ABCC4: variants seen among roughly 807,000 people sequenced by gnomAD.
ABCC4 encodes the protein ATP-binding cassette sub-family C member 4.
ABCC4 carries 102 observed loss-of-function variants against 168.5 expected under a neutral mutation model. The observed-to-expected ratio is 0.61, with a 90% CI of 0.52 to 0.71. The LOEUF is 0.71. Ranked by LOEUF, ABCC4 falls within the 30% of genes least tolerant of loss-of-function variation. The pLI is 0.00. For synonymous variants in ABCC4, 617 were observed against 590.7 expected (o/e 1.04, Z -0.65); for missense variants, 1,402 against 1,605.8 (o/e 0.87, Z 2.17).
At chr13:95,293,534 T>C (rs2041453609) in intron 1 of ABCC4, among the ~76,000 whole-genome samples, 1 of 151,390 alleles carries the variant, frequency 6.6e-6, no homozygotes, top group African/African-American at 2.4e-5. Flanking sequence ...TGGCGTGATC[T>C]TGGCTCACTG....
At chr13:95,252,935 T>C (rs2040303580) in intron 1 of ABCC4, among the ~76,000 whole-genome samples, 1 of 152,224 alleles carries the variant, frequency 6.6e-6, no homozygotes, top group African/African-American at 2.4e-5. Flanking sequence ...AGGACTAGAA[T>C]TCTGGTGCCA....
intron 9 of ABCC4, among the ~76,000 whole-genome samples, chr13:95,193,733 A>G (rs1343620584): frequency 6.6e-6 from 1 of 152,204 alleles, no homozygotes; most frequent in Non-Finnish European, 1.5e-5. Flanking sequence ...CCAGGTTGCA[A>G]GTTACGTAAT....
intron 25 of ABCC4, among the ~76,000 whole-genome samples, chr13:95,064,131 T>C (rs1232548676): frequency 6.6e-6 from 1 of 151,956 alleles, no homozygotes; most frequent in Non-Finnish European, 1.5e-5. Context: ...AAAATGTAAA[T>C]GTTTAAAAAG....
intron 21 of ABCC4, among the ~76,000 whole-genome samples, chr13:95,078,987 G>C (rs1027529126): frequency 6.6e-6 from 1 of 152,160 alleles, no homozygotes; most frequent in Non-Finnish European, 1.5e-5. Context: ...CCCAGTTTTG[G>C]AACACCCGGG....
chr13:95,198,575 A>G (rs2139654629), intron 8 of ABCC4, among the ~76,000 whole-genome samples: 1 of 152,344 alleles, frequency 6.6e-6, no homozygotes, highest in South Asian at 2.1e-4. Context: ...CTAGAACCAG[A>G]AATACCATTG....
Position 95,224,203 on chromosome 13 carries a change from C to CA in ABCC4, c.531+10406dup, listed in dbSNP as rs1265372003. On this transcript the variant is annotated intron_variant, in intron 4 of 30. Transcript: ENST00000645237. Reference sequence around the variant, plus strand: ...TATCAAAGAGAAAAAAAAATCAACCCAAAAAAAAAAAAAGAGAAACATTAC... The same window carrying CA: ...TATCAAAGAGAAAAAAAAATCAACCCAAAAAAAAAAAAAAGAGAAACATTAC... Among the ~76,000 whole-genome samples, 1,062 of 119,264 alleles carry CA rather than the reference C, an allele frequency of 8.9e-3. 11 individuals carry two copies. The highest frequency in any genetic ancestry group is 0.025 in the African/African-American group (827 of 32,920). 78.2% of individuals were successfully genotyped at this position (119,264 alleles called of 152,430 possible). A position where few individuals can be genotyped will look rare whatever the true frequency, so the allele number is the denominator to read the frequency against.
Position 95,293,158 on chromosome 13 carries a change from C to A in ABCC4, c.74+8083G>T, listed in dbSNP as rs2041444609. ...GGAAGGTAAACCCCTCCCCAGAGAT[C>A]TCCATCTTGGCCAACATGGCAAAAC... On this transcript the variant is annotated intron_variant, in intron 1 of 30. Transcript: ENST00000645237. 2.0e-5 allele frequency among the ~76,000 whole-genome samples: 3 copies of A among 152,012 alleles called. No homozygotes were observed. In the South Asian group the frequency reaches 6.2e-4, roughly 32 times the overall value.
rs1488584222 is a variant in ABCC4, at chr13:95,206,459, T to C, written c.1161+73A>G. The C allele has an allele frequency of 1.9e-6, 3 of 1,565,696 alleles. No homozygotes were observed. The Admixed American group carries it at 5.2e-5, about 27-fold the overall frequency. On this transcript the variant is annotated intron_variant, in intron 8 of 30. Coordinates refer to ENST00000645237, the MANE Select transcript of ABCC4 (RefSeq NM_005845.5). The stretch of plus-strand genomic sequence containing the variant: ...TAAATGTCATTACACTGGAACATAG[T>C]GATGCTAAATAAAAGGAGACATCAT...
At chr13:95,169,842 C>CTAT (rs934446934) in intron 14 of ABCC4, among the ~76,000 whole-genome samples, 1 of 152,040 alleles carries the variant, frequency 6.6e-6, no homozygotes, top group African/African-American at 2.4e-5. Context: ...TGTGTTGCTG[C>CTAT]TATTATTATT....
chr13:95,099,147 T>C (rs1301795965), intron 20 of ABCC4, among the ~76,000 whole-genome samples: 1 of 152,194 alleles, frequency 6.6e-6, no homozygotes, highest in Non-Finnish European at 1.5e-5. Context: ...CAAATAAATG[T>C]TGATGTCATC....
intron 19 of ABCC4, among the ~76,000 whole-genome samples, chr13:95,135,464 G>C (rs2036117045): frequency 6.7e-6 from 1 of 150,128 alleles, no homozygotes; most frequent in Admixed American, 6.7e-5. Context: ...CCAGGCTGGA[G>C]TATAGCTGTG....
rs1215850018 is a variant in ABCC4 at position 95,225,136 on chromosome 13, G to GTCTC, written c.531+9473_531+9474insGAGA. On this transcript the variant is annotated intron_variant, in intron 4 of 30. Transcript: ENST00000645237. ...CCTCTCCCCCACTGTCTGTCTGTCTGTCTGTCTCTCTCTCTCTCACACACA... is the reference window on the plus strand; with the variant it reads ...CCTCTCCCCCACTGTCTGTCTGTCTGTCTCTCTGTCTCTCTCTCTCTCACACACA... Among the ~76,000 whole-genome samples, 66 of 62,554 alleles carry GTCTC rather than the reference G, an allele frequency of 1.1e-3. 1 individual carries two copies. Among genetic ancestry groups the GTCTC allele is most frequent in the South Asian group, 6.3e-3 (13 of 2,062 alleles). 41.0% of individuals were successfully genotyped at this position (62,554 alleles called of 152,430 possible).
chr13:95,079,185 C>G (rs895572412), intron 21 of ABCC4, among the ~76,000 whole-genome samples: 3 of 152,150 alleles, frequency 2.0e-5, no homozygotes, highest in African/African-American at 7.2e-5. Context: ...GAGCGTATGT[C>G]AAGCCTCAGC....
chr13:95,091,884 G>C (rs1175518175), intron 20 of ABCC4, among the ~76,000 whole-genome samples: 1 of 152,128 alleles, frequency 6.6e-6, no homozygotes, highest in Non-Finnish European at 1.5e-5. Context: ...GTGCAGAATG[G>C]ATAAAAACTC....
intron 19 of ABCC4, among the ~76,000 whole-genome samples, chr13:95,143,608 C>T (rs2036390398): frequency 2.0e-5 from 3 of 152,100 alleles, no homozygotes; most frequent in Admixed American, 6.5e-5. Context: ...ATACCAAAGA[C>T]AGAATTATTT....
chr13:95,078,623 T>C (rs2033990120), intron 21 of ABCC4, among the ~76,000 whole-genome samples: 1 of 152,168 alleles, frequency 6.6e-6, no homozygotes, highest in Non-Finnish European at 1.5e-5. Flanking sequence ...CCAGATGTTC[T>C]AGCCTGCACC....
chr13:95,026,310 C>A (rs556858173), intron 30 of ABCC4, among the ~76,000 whole-genome samples: 3 of 151,946 alleles, frequency 2.0e-5, no homozygotes, highest in African/African-American at 7.2e-5. Context: ...TTAGCCAATG[C>A]TGAAAAAACA....
At chr13:95,069,177 C>G (rs1284785630) in intron 25 of ABCC4, among the ~76,000 whole-genome samples, 1 of 152,166 alleles carries the variant, frequency 6.6e-6, no homozygotes, top group Non-Finnish European at 1.5e-5. Flanking sequence ...AACACTGACA[C>G]CCAGAGAACG....
In ABCC4 at chr13:95,082,155, C is replaced by G. The variant is rs976142346; in HGVS notation, c.2686+985G>C. ...ATGCTTCTCTTCTAGGCGTGGCTTCCAGAGAGCTGAGTTGGCATTCAGCTT... is the reference window on the plus strand; with the variant it reads ...ATGCTTCTCTTCTAGGCGTGGCTTCGAGAGAGCTGAGTTGGCATTCAGCTT... On this transcript the variant is annotated intron_variant, in intron 21 of 30. Transcript: ENST00000645237. Among the ~76,000 whole-genome samples, 3 of 152,152 alleles carry G rather than the reference C, an allele frequency of 2.0e-5. No homozygotes were observed. In the East Asian group the frequency reaches 5.8e-4, roughly 29 times the overall value.
Sources: gnomAD v4.1 joint callset for allele counts (sites outside exome capture counted in the v4.1 genomes callset) on GRCh38, gnomAD v4.1.1 for gene constraint, MANE v1.5 for transcripts, NCBI Gene and HGNC (gene_info 2026-07-23, HGNC 2026-07-21) for gene names.